The following PTGR2 variants were observed in gnomAD, a reference collection of about 807,000 sequenced individuals.
PTGR2 encodes 15-oxoprostaglandin 13-reductase.
Under a neutral mutation model 43.4 loss-of-function variants are expected in PTGR2, and 32 were observed. The observed-to-expected ratio is 0.74, with a 90% CI of 0.56 to 0.99. The LOEUF is 0.99. Ranked by LOEUF, PTGR2 falls within the 50% of genes least tolerant of loss-of-function variation. PTGR2 has a pLI of 0.00. For missense variants in PTGR2, 373 were observed against 420.0 expected, an observed-to-expected ratio of 0.89 and a Z score of 0.98; for synonymous variants, 106 against 139.2, an observed-to-expected ratio of 0.76 and a Z score of 1.68.
chr14:73,876,195 C>T (rs1204023311), intron 4 of PTGR2, among the ~76,000 whole-genome samples: 1 of 152,154 alleles, frequency 6.6e-6, no homozygotes, highest in Non-Finnish European at 1.5e-5. Flanking sequence ...TTTAGCAAGA[C>T]TGATGAATGG....
At chr14:73,882,800 C>CCTT (rs2055023189) in intron 9 of PTGR2, among the ~76,000 whole-genome samples, 2 of 41,868 alleles carry the variant, frequency 4.8e-5, no homozygotes, top group East Asian at 1.1e-3. Flanking sequence ...ACGCCTGGCC[C>CCTT]TTTTTTTTTT....
In PTGR2 at chr14:73,876,922, A is replaced by C. The variant is rs529128016; in HGVS notation, c.349-76A>C. On this transcript the variant is annotated intron_variant, in intron 4 of 9. Coordinates refer to ENST00000555661, the MANE Select transcript of PTGR2 (RefSeq NM_001146154.2). ...ATGTTGTGGGGACGCAATTCAGTCC[A>C]TAACACGTTGTCTCTACTTTGTTGT... 9.6e-5 allele frequency: 108 copies of C among 1,123,692 alleles called. No homozygotes were observed. In the African/African-American group the frequency reaches 1.5e-3, roughly 16 times the overall value. The allele number at this position is 1,123,692 out of a possible 1,614,324, so 69.6% of individuals were successfully genotyped here.
intron 6 of PTGR2, 52 bp downstream of exon 6, chr14:73,879,357 G>A (rs1453544157): frequency 3.9e-6 from 6 of 1,524,130 alleles, no homozygotes; most frequent in African/African-American, 1.4e-5. Flanking sequence ...TATATGTTGT[G>A]ATATCTTTTT....
intron 4 of PTGR2, among the ~76,000 whole-genome samples, chr14:73,876,720 G>T (rs950581833): frequency 1.3e-5 from 2 of 151,854 alleles, no homozygotes; most frequent in African/African-American, 4.8e-5. Context: ...CAGGTGATCC[G>T]CCTGCCTCGG....
At chr14:73,880,812 T>A (rs1455459546) in intron 7 of PTGR2, among the ~76,000 whole-genome samples, 1 of 152,084 alleles carries the variant, frequency 6.6e-6, no homozygotes, top group Non-Finnish European at 1.5e-5. Flanking sequence ...ATTATTATTA[T>A]TTGAGATGGA....
intron 2 of PTGR2, among the ~76,000 whole-genome samples, chr14:73,859,820 A>G (rs1302581098): frequency 1.3e-5 from 2 of 150,620 alleles, no homozygotes; most frequent in African/African-American, 2.4e-5. Context: ...AGTCATTTCT[A>G]TAGTTACAGA....
intron 1 of PTGR2, among the ~76,000 whole-genome samples, chr14:73,856,320 A>G (rs2054345997): frequency 6.6e-6 from 1 of 151,992 alleles, no homozygotes; most frequent in South Asian, 2.1e-4. Flanking sequence ...ATCTTGGCTC[A>G]CTGCAATCTC....
At chr14:73,883,734 C>T (rs779443486) in intron 9 of PTGR2, among the ~76,000 whole-genome samples, 1 of 152,188 alleles carries the variant, frequency 6.6e-6, no homozygotes, top group Non-Finnish European at 1.5e-5. Context: ...GATCCACCCA[C>T]CTTGGCCTCC....
chr14:73,877,209 C>T (rs199635519), intron 5 of PTGR2, 41 bp downstream of exon 5: 33 of 1,524,082 alleles, frequency 2.2e-5, no homozygotes, highest in Middle Eastern at 1.7e-4. Context: ...GATTATTTGA[C>T]GATTGTTATA....
At position 73,858,914 on chromosome 14, in the gene PTGR2, T is replaced by C; in HGVS notation, c.37+15T>C. ...TTCTCGACCTGGTATGTATTTGCGA[T>C]GAATGAACAACTCTGATCTTTGATA... On this transcript the variant is annotated intron_variant, in intron 2 of 9. Coordinates refer to ENST00000555661, the MANE Select transcript of PTGR2 (RefSeq NM_001146154.2). The C allele has an allele frequency of 1.2e-6, 2 of 1,601,272 alleles. No homozygotes were observed. Among genetic ancestry groups the C allele is most frequent in the Non-Finnish European group, 1.7e-6 (2 of 1,169,424 alleles).
At chr14:73,878,065 C>G (rs2054902676) in intron 5 of PTGR2, 1 of 152,212 alleles carries the variant, frequency 6.6e-6, no homozygotes, top group Non-Finnish European at 1.5e-5. Context: ...AAGAGTACTT[C>G]AGCCCAGGAG....
chr14:73,874,673 A>G, intron 4 of PTGR2: 1 of 450,130 alleles, frequency 2.2e-6, no homozygotes, highest in Non-Finnish European at 4.5e-6. Context: ...TGCTGAGATT[A>G]CAGGTGTGAG....
intron 8 of PTGR2, among the ~76,000 whole-genome samples, chr14:73,881,602 T>C (rs1595373165): frequency 2.0e-5 from 3 of 152,274 alleles, no homozygotes; most frequent in South Asian, 2.1e-4. Flanking sequence ...TATGGGATGC[T>C]ACTATGTGTT....
intron 1 of PTGR2, among the ~76,000 whole-genome samples, chr14:73,853,861 G>C (rs1439130569): frequency 6.6e-6 from 1 of 152,118 alleles, no homozygotes; most frequent in African/African-American, 2.4e-5. Context: ...TTACCAGGCT[G>C]CAAGGTAAAC....
Position 73,879,240 on chromosome 14 carries a change from C to G in PTGR2, c.664C>G (p.Pro222Ala). 6.2e-7 allele frequency: 1 copy of G among 1,613,982 alleles called. No homozygotes were observed. Among genetic ancestry groups the G allele is most frequent in the Non-Finnish European group, 8.5e-7 (1 of 1,180,008 alleles). ...NVAEQLRESCPAGVDVYFDNV... is the reference protein window; with the variant it reads ...NVAEQLRESCAAGVDVYFDNV... The stretch of plus-strand genomic sequence containing the variant: ...GGCAGAACAGCTCCGTGAATCATGC[C>G]CAGCTGGAGTGGATGTTTATTTTGA... The change falls in exon 6 of 10, where the codon CCA becomes GCA. Residue 222 changes from proline (P) to alanine (A), a missense_variant. Coordinates refer to ENST00000555661, the MANE Select transcript of PTGR2 (RefSeq NM_001146154.2).
intron 1 of PTGR2, chr14:73,858,601 A>G (rs2054416779): frequency 3.1e-6 from 1 of 318,240 alleles, no homozygotes; most frequent in Non-Finnish European, 6.0e-6. Flanking sequence ...TTAATCTTCA[A>G]TGAACTTGTT....
At chr14:73,881,163 C>A (rs10147351) in intron 7 of PTGR2, 42 bp from the exon 8 acceptor site, 1 of 1,189,656 alleles carries the variant, frequency 8.4e-7, no homozygotes, top group Admixed American at 1.8e-5. Context: ...ATACCACTCC[C>A]GTTATATTCT....
chr14:73,859,918 G>A (rs192814877), intron 2 of PTGR2, among the ~76,000 whole-genome samples: 29 of 148,858 alleles, frequency 1.9e-4, no homozygotes, highest in Admixed American at 1.7e-3. Context: ...GCACAATCTC[G>A]GCTCAGTGCA....
intron 3 of PTGR2, among the ~76,000 whole-genome samples, chr14:73,870,344 A>G (rs2054699713): frequency 6.6e-6 from 1 of 151,586 alleles, no homozygotes. Context: ...ACGCCCAGCT[A>G]ATTTTTGTAT....
Sources: allele counts gnomAD v4.1 joint callset (sites outside exome capture counted in the v4.1 genomes callset), GRCh38; gene constraint gnomAD v4.1.1; transcripts MANE v1.5; gene names NCBI Gene and HGNC (gene_info 2026-07-23, HGNC 2026-07-21).